Variants in RAI1 observed in about 807,000 individuals in gnomAD.
RAI1 encodes the protein retinoic acid-induced protein 1.
Under a neutral mutation model 123.8 loss-of-function variants are expected in RAI1, and 9 were observed. The ratio of observed to expected loss-of-function variants is 0.07; its 90% CI spans 0.04 to 0.13. The LOEUF (loss-of-function observed/expected upper bound fraction) is 0.13. Among genes scored for constraint, RAI1 ranks in the 10% least tolerant of loss-of-function variants. The pLI is 1.00. For synonymous variants in RAI1, 1,231 were observed against 1,127.3 expected (o/e 1.09, Z -1.84); for missense variants, 2,256 against 2,545.8 (o/e 0.89, Z 2.45).
rs1914598079 is a variant in RAI1, at chr17:17,685,508, G to C, written c.-149+3715G>C. ...GCAGAGGGAACACAGTGAGCAGAGC[G>C]AGTCTTTGGAAGCTGGAAGGGATGT... On this transcript the variant is annotated intron_variant, in intron 1 of 5. Transcript: ENST00000353383. This position sits in a 1 kb window ranked among gnomAD's most constrained non-coding sequence, Gnocchi z 4.0. Among the ~76,000 whole-genome samples, 1 of 152,232 alleles carries C rather than the reference G, an allele frequency of 6.6e-6. No individual in the cohort carries two copies. Among genetic ancestry groups the C allele is most frequent in the Admixed American group, 6.5e-5 (1 of 15,282 alleles).
In RAI1 at chr17:17,809,518, C is replaced by T. The variant is rs534539068; in HGVS notation, c.5709+79C>T. ...CCACCTCGCACCTCCTTCACAGTCC[C>T]CTGGGCCCCCTTGGCTGCGCAGCCC... On this transcript the variant is annotated intron_variant, in intron 5 of 5. Transcript: ENST00000353383. The surrounding 1 kb of genome is among the most constrained non-coding windows in gnomAD (Gnocchi z 4.9). 1 of 1,448,830 alleles carries T rather than the reference C, an allele frequency of 6.9e-7. No homozygotes were observed. The highest frequency in any genetic ancestry group is 2.3e-5 in the East Asian group (1 of 44,052). 89.7% of individuals were successfully genotyped at this position (1,448,830 alleles called of 1,614,324 possible). A position where few individuals can be genotyped will look rare whatever the true frequency, so the allele number is the denominator to read the frequency against.
intron 2 of RAI1, among the ~76,000 whole-genome samples, chr17:17,757,333 C>T (rs1410940709): frequency 6.6e-6 from 1 of 152,206 alleles, no homozygotes; most frequent in Non-Finnish European, 1.5e-5. Flanking sequence ...CAGGAGAGAG[C>T]TCCAGATCAG....
At position 17,720,536 on chromosome 17, in the gene RAI1, C is replaced by G. The variant is rs375586526; in HGVS notation, c.-148-3492C>G. On this transcript the variant is annotated intron_variant, in intron 1 of 5. Coordinates refer to ENST00000353383, the MANE Select transcript of RAI1 (RefSeq NM_030665.4). ...TCCCATGGAATCCTGCCAGTAGGGT[C>G]TGATGGAGTAAGCAAGGCTTTGGGG... 9.8e-5 allele frequency among the ~76,000 whole-genome samples: 15 copies of G among 152,342 alleles called. No individual in the cohort carries two copies. The South Asian group carries it at 3.1e-3, about 32-fold the overall frequency.
At chr17:17,750,743 A>G (rs1444951460) in intron 2 of RAI1, among the ~76,000 whole-genome samples, 1 of 151,472 alleles carries the variant, frequency 6.6e-6, no homozygotes, top group Non-Finnish European at 1.5e-5. Flanking sequence ...GTGTCTGGAG[A>G]TGCAGCAGCC....
At chr17:17,720,922 G>A (rs1915860736) in intron 1 of RAI1, among the ~76,000 whole-genome samples, 1 of 152,148 alleles carries the variant, frequency 6.6e-6, no homozygotes, top group Non-Finnish European at 1.5e-5. Flanking sequence ...AGTCCCCAGG[G>A]AGCCAGGGAA....
At chr17:17,707,372 G>C (rs1052745863) in intron 1 of RAI1, among the ~76,000 whole-genome samples, 4 of 152,188 alleles carry the variant, frequency 2.6e-5, no homozygotes, top group African/African-American at 9.7e-5. Flanking sequence ...GATGCGTGCA[G>C]TTTTAAATTG....
intron 2 of RAI1, among the ~76,000 whole-genome samples, chr17:17,782,742 G>A (rs2031641372): frequency 1.3e-5 from 2 of 152,008 alleles, no homozygotes; most frequent in African/African-American, 4.8e-5. Flanking sequence ...CTCGGCCTGG[G>A]GCCCGGCGAG....
At chr17:17,802,809 C>T (rs1355737603) in intron 3 of RAI1, among the ~76,000 whole-genome samples, 2 of 151,922 alleles carry the variant, frequency 1.3e-5, no homozygotes, top group Non-Finnish European at 2.9e-5. Context: ...GTAGGCCAGG[C>T]GCTATGTCTT....
chr17:17,758,256 G>C (rs987005544), intron 2 of RAI1, among the ~76,000 whole-genome samples: 4 of 152,132 alleles, frequency 2.6e-5, no homozygotes, highest in Admixed American at 6.5e-5. Flanking sequence ...GCCACCACCT[G>C]GGCACTCAGC....
At chr17:17,728,140 C>T (rs1045444425) in intron 2 of RAI1, among the ~76,000 whole-genome samples, 2 of 151,948 alleles carry the variant, frequency 1.3e-5, no homozygotes, top group South Asian at 4.2e-4. Context: ...AGGGTGCCCC[C>T]GAGCTCGGTC....
chr17:17,716,943 G>C (rs1431264637), intron 1 of RAI1, among the ~76,000 whole-genome samples: 1 of 152,200 alleles, frequency 6.6e-6, no homozygotes, highest in Non-Finnish European at 1.5e-5. Context: ...CCACCACTGG[G>C]GGACCCCACC....
intron 2 of RAI1, among the ~76,000 whole-genome samples, chr17:17,783,329 G>A (rs1252208587): frequency 2.0e-5 from 3 of 152,132 alleles, no homozygotes; most frequent in Non-Finnish European, 4.4e-5. Context: ...ACCTTGCTGG[G>A]GTCAGCGGGC....
rs1242086955 is a variant in RAI1, at chr17:17,799,862, C to T, written c.5565+1349C>T. ...CCCTCTGAGCAGCCCCTGCTCCTGACAGTTGCCGTGGCATTGCCTGGCCAA... is the reference window on the plus strand; with the variant it reads ...CCCTCTGAGCAGCCCCTGCTCCTGATAGTTGCCGTGGCATTGCCTGGCCAA... On this transcript the variant is annotated intron_variant, in intron 3 of 5. Transcript: ENST00000353383. The surrounding 1 kb of genome is among the most constrained non-coding windows in gnomAD (Gnocchi z 4.5). Among the ~76,000 whole-genome samples, 1 of 152,296 alleles carries T rather than the reference C, an allele frequency of 6.6e-6. No individual in the cohort carries two copies. The highest frequency in any genetic ancestry group is 1.5e-5 in the Non-Finnish European group (1 of 68,008).
At chr17:17,791,529 A>AGG (rs1396373274) in intron 2 of RAI1, among the ~76,000 whole-genome samples, 1 of 151,936 alleles carries the variant, frequency 6.6e-6, no homozygotes, top group African/African-American at 2.4e-5. Context: ...TTGTAGCCTG[A>AGG]GGCAAGCCAC....
At position 17,809,294 on chromosome 17, in the gene RAI1, G is replaced by C. The variant is rs1422775514; in HGVS notation, c.5660-96G>C. 9.5e-7 allele frequency: 1 copy of C among 1,050,016 alleles called. No homozygotes were observed. 65.0% of individuals were successfully genotyped at this position (1,050,016 alleles called of 1,614,324 possible). A position where few individuals can be genotyped will look rare whatever the true frequency, so the allele number is the denominator to read the frequency against. On this transcript the variant is annotated intron_variant, in intron 4 of 5. Coordinates refer to ENST00000353383, the MANE Select transcript of RAI1 (RefSeq NM_030665.4). This position sits in a 1 kb window ranked among gnomAD's most constrained non-coding sequence, Gnocchi z 4.9. ...AAGAGCCCCTGCAGTCTGGAGCCTC[G>C]CGGGCAGTGCGGCTCCCCTCCTGGC... is the stretch of plus-strand genomic sequence containing the variant.
At chr17:17,711,386 C>T (rs1471157031) in intron 1 of RAI1, among the ~76,000 whole-genome samples, 1 of 152,180 alleles carries the variant, frequency 6.6e-6, no homozygotes, top group Admixed American at 6.5e-5. Context: ...CAAGTCAGAC[C>T]CTCCTGTGTG....
intron 1 of RAI1, among the ~76,000 whole-genome samples, chr17:17,705,096 G>A (rs1287202304): frequency 6.6e-6 from 1 of 152,152 alleles, no homozygotes; most frequent in Non-Finnish European, 1.5e-5. Context: ...GAGCCCTTGA[G>A]ATTTGAGAGT....
At position 17,795,650 on chromosome 17, in the gene RAI1, AGGAGGAGGT is replaced by A. The variant is rs749561945; in HGVS notation, c.2713_2721del (p.Glu905_Val907del). ...CCCAAGGCCCCACTCATCTGCACCA[AGGAGGAGGT>A]GGAGGAGGTGCTGGACTCCAAGGCC... is the stretch of plus-strand genomic sequence containing the variant. On this transcript the variant is annotated inframe_deletion, in exon 3 of 6. Coordinates refer to ENST00000353383, the MANE Select transcript of RAI1 (RefSeq NM_030665.4). This position sits in a 1 kb window ranked among gnomAD's most constrained non-coding sequence, Gnocchi z 5.9. 193 of 1,613,280 alleles carry A rather than the reference AGGAGGAGGT, an allele frequency of 1.2e-4. No homozygotes were observed. The highest frequency in any genetic ancestry group is 9.0e-5 in the Non-Finnish European group (106 of 1,179,928).
At chr17:17,780,109 A>G (rs2031517407) in intron 2 of RAI1, among the ~76,000 whole-genome samples, 2 of 133,790 alleles carry the variant, frequency 1.5e-5, no homozygotes, top group East Asian at 2.2e-4. Flanking sequence ...TCTTGTCCCC[A>G]GGCTGGAGTG....
Sources: allele counts gnomAD v4.1 joint callset (sites outside exome capture counted in the v4.1 genomes callset), GRCh38; gene constraint gnomAD v4.1.1; non-coding constraint Gnocchi (gnomAD v3.1); transcripts MANE v1.5; gene names NCBI Gene and HGNC (gene_info 2026-07-23, HGNC 2026-07-21).